Variants in KIF24 observed in about 807,000 individuals in gnomAD.
KIF24 encodes kinesin-like protein KIF24.
In KIF24, 81 loss-of-function variants were observed where a neutral mutation model predicts 118.9. That is an observed-to-expected ratio of 0.68 (90% CI 0.57 to 0.82). The LOEUF (loss-of-function observed/expected upper bound fraction) is 0.82, where lower values mean the gene tolerates loss of function less well. Among genes scored for constraint, KIF24 ranks in the 40% least tolerant of loss-of-function variants. The probability of loss-of-function intolerance (pLI) is 0.00; values close to 1 mark genes in which losing one functional copy is unlikely to be tolerated. For synonymous variants in KIF24, 599 were observed against 610.0 expected (o/e 0.98, Z 0.27); for missense variants, 1,560 against 1,661.6 (o/e 0.94, Z 1.06).
At chr9:34,306,560 T>C in intron 2 of KIF24, 119 bp from the exon 3 acceptor site, 1 of 637,398 alleles carries the variant, frequency 1.6e-6, no homozygotes, top group Non-Finnish European at 2.7e-6. Flanking sequence ...CCCAGCACTT[T>C]GAGAGGCCGA....
At chr9:34,258,869 C>T (rs1234751547) in intron 10 of KIF24, among the ~76,000 whole-genome samples, 5 of 152,212 alleles carry the variant, frequency 3.3e-5, no homozygotes, top group Non-Finnish European at 4.4e-5. Context: ...GCACTATTGA[C>T]ATTTTGTACC....
At chr9:34,290,791 G>A (rs1836228702) in intron 4 of KIF24, among the ~76,000 whole-genome samples, 1 of 151,862 alleles carries the variant, frequency 6.6e-6, no homozygotes. Context: ...GTAGAGATGG[G>A]GTTTCACCAT....
At chr9:34,279,512 T>C (rs1325374952) in intron 6 of KIF24, among the ~76,000 whole-genome samples, 1 of 152,260 alleles carries the variant, frequency 6.6e-6, no homozygotes, top group African/African-American at 2.4e-5. Context: ...GGAAATGTGA[T>C]GAGGCAGTGA....
chr9:34,272,011 G>C, intron 6 of KIF24, 81 bp from the exon 7 acceptor site: 1 of 1,302,546 alleles, frequency 7.7e-7, no homozygotes, highest in Admixed American at 2.6e-5. Context: ...AAGAGCAGTA[G>C]ACAGCAGACA....
intron 6 of KIF24, among the ~76,000 whole-genome samples, chr9:34,279,988 G>C (rs1835786798): frequency 1.3e-5 from 2 of 152,104 alleles, no homozygotes; most frequent in Admixed American, 6.6e-5. Context: ...CCATACTTTA[G>C]AATAGAACAG....
At chr9:34,276,329 G>C (rs1038864037) in intron 6 of KIF24, among the ~76,000 whole-genome samples, 2 of 150,826 alleles carry the variant, frequency 1.3e-5, no homozygotes, top group Non-Finnish European at 2.9e-5. Context: ...TTGAACCCAG[G>C]AGGCGGAGGT....
chr9:34,286,424 C>T (rs759823346), intron 6 of KIF24, among the ~76,000 whole-genome samples, 193 bp downstream of exon 6: 5 of 152,142 alleles, frequency 3.3e-5, no homozygotes, highest in Non-Finnish European at 7.4e-5. Flanking sequence ...TCCCACTAAT[C>T]GTGGGAGAAA....
chr9:34,319,242 C>T lies in KIF24; in HGVS notation c.-25-7871G>A, dbSNP rs1587974535. Reference sequence around the variant, plus strand: ...CCCCACCACGTGGAGCCCCTCGAGGCCTTAAAAAGCTGGTAACCAAAGAGC... The same window carrying T: ...CCCCACCACGTGGAGCCCCTCGAGGTCTTAAAAAGCTGGTAACCAAAGAGC... On this transcript the variant is annotated intron_variant, in intron 1 of 12. Transcript: ENST00000402558. The T allele has an allele frequency of 7.0e-6, 10 of 1,423,068 alleles. No homozygotes were observed. In the East Asian group the frequency reaches 2.3e-4, roughly 32 times the overall value. 88.2% of individuals were successfully genotyped at this position (1,423,068 alleles called of 1,614,324 possible). A position where few individuals can be genotyped will look rare whatever the true frequency, so the allele number is the denominator to read the frequency against.
chr9:34,271,442 T>C (rs1835505145), intron 7 of KIF24, among the ~76,000 whole-genome samples: 1 of 152,098 alleles, frequency 6.6e-6, no homozygotes, highest in African/African-American at 2.4e-5. Flanking sequence ...AGGCAATGAA[T>C]GTATCCAATT....
At chr9:34,273,234 C>T (rs535975274) in intron 6 of KIF24, among the ~76,000 whole-genome samples, 156 of 151,730 alleles carry the variant, frequency 1.0e-3, no homozygotes, top group Non-Finnish European at 6.3e-4. Flanking sequence ...CTATGCTGCC[C>T]AGGCTGATCT....
chr9:34,259,661 G>C lies in KIF24; in HGVS notation c.1560C>G (p.Ile520Met). 1 of 1,613,940 alleles carries C rather than the reference G, an allele frequency of 6.2e-7. No homozygotes were observed. Among genetic ancestry groups the C allele is most frequent in the Non-Finnish European group, 8.5e-7 (1 of 1,179,838 alleles). Residue 520 changes from isoleucine to methionine, a missense_variant, in exon 10 of 13, where the codon ATC (isoleucine) becomes ATG (methionine). By Grantham distance (10) the Ile-to-Met change is conservative. Coordinates refer to ENST00000402558, the MANE Select transcript of KIF24 (RefSeq NM_194313.4). ...SFIGNAKTCM[I>M]ANISPSHVAT... The stretch of plus-strand genomic sequence containing the variant: ...CCACGTGGCTTGGTGAGATGTTGGC[G>C]ATCATGCAGGTTTTGGCATTGCCGA...
chr9:34,324,711 A>C (rs1440291045), intron 1 of KIF24, among the ~76,000 whole-genome samples: 2 of 152,206 alleles, frequency 1.3e-5, no homozygotes, highest in African/African-American at 4.8e-5. Context: ...AGCATGACCC[A>C]CAAATCCTTC....
rs78775760 is a variant in KIF24, at chr9:34,311,887, A to G, written c.-25-516T>C. 3.2e-3 allele frequency among the ~76,000 whole-genome samples: 485 copies of G among 152,054 alleles called. 11 individuals are homozygous for G. In the East Asian group the frequency reaches 0.037, roughly 12 times the overall value. On this transcript the variant is annotated intron_variant, in intron 1 of 12. Coordinates refer to ENST00000402558, the MANE Select transcript of KIF24 (RefSeq NM_194313.4). Reference sequence around the variant, plus strand: ...AGTTCCTTCCAACCTTGCAATGTCTACTTAACACATGCCACAACTATTGAA... The same window carrying G: ...AGTTCCTTCCAACCTTGCAATGTCTGCTTAACACATGCCACAACTATTGAA...
At chr9:34,294,873 G>T (rs1286503347) in intron 4 of KIF24, among the ~76,000 whole-genome samples, 1 of 152,092 alleles carries the variant, frequency 6.6e-6, no homozygotes, top group Admixed American at 6.6e-5. Flanking sequence ...ACTAAATAGG[G>T]ACACAAGAGA....
intron 1 of KIF24, among the ~76,000 whole-genome samples, chr9:34,327,829 T>G: frequency 1.0e-5 from 1 of 96,642 alleles, no homozygotes; most frequent in African/African-American, 3.1e-5. Context: ...AGCAAGACAT[T>G]TTCTCTAATA....
chr9:34,330,960 CA>C (rs545737165), upstream of KIF24, among the ~76,000 whole-genome samples: 158 of 137,702 alleles, frequency 1.1e-3, no homozygotes, highest in African/African-American at 3.4e-3. Context: ...GACTCCGTCT[CA>C]AAAAAAAAAA....
chr9:34,267,681 A>C (rs1835345252), intron 8 of KIF24, among the ~76,000 whole-genome samples: 1 of 152,198 alleles, frequency 6.6e-6, no homozygotes, highest in African/African-American at 2.4e-5. Context: ...GAAAAAAATA[A>C]ATGAGATATT....
intron 9 of KIF24, among the ~76,000 whole-genome samples, chr9:34,262,663 AAAAAAAAAAAAAATATATATATAT>A (rs1294264031): frequency 6.9e-5 from 3 of 43,260 alleles, no homozygotes; most frequent in Admixed American, 3.7e-4. Flanking sequence ...AAAAAAAAAA[AAAAAAAAAAAAAATATATATATAT>A]ATATATATAT....
At chr9:34,260,752 C>T (rs1327717093) in intron 9 of KIF24, among the ~76,000 whole-genome samples, 2 of 152,154 alleles carry the variant, frequency 1.3e-5, no homozygotes, top group African/African-American at 4.8e-5. Flanking sequence ...GGGCAGATCA[C>T]CTGAGGTCAG....
Sources: gnomAD v4.1 joint callset for allele counts (sites outside exome capture counted in the v4.1 genomes callset) on GRCh38, gnomAD v4.1.1 for gene constraint, MANE v1.5 for transcripts, NCBI Gene and HGNC (gene_info 2026-07-23, HGNC 2026-07-21) for gene names.